Variants in ZNF804A observed in about 807,000 individuals in gnomAD.
ZNF804A encodes the protein zinc finger protein 804A.
ZNF804A carries 2 observed loss-of-function variants against 16.5 expected under a neutral mutation model. The ratio of observed to expected loss-of-function variants is 0.12; its 90% CI spans 0.05 to 0.38. The LOEUF (loss-of-function observed/expected upper bound fraction) is 0.38, where lower values mean the gene tolerates loss of function less well. Among genes scored for constraint, ZNF804A ranks in the 10% least tolerant of loss-of-function variants. The pLI, the probability that ZNF804A is intolerant of heterozygous loss-of-function variation, is 0.99. For missense variants in ZNF804A, 1,473 were observed against 1,390.7 expected (o/e 1.06, Z -0.94); for synonymous variants, 534 against 489.6 (o/e 1.09, Z -1.20).
intron 2 of ZNF804A, among the ~76,000 whole-genome samples, chr2:184,874,712 T>C (rs573954526): frequency 4.9e-4 from 75 of 152,288 alleles, no homozygotes; most frequent in Non-Finnish European, 7.9e-4. Flanking sequence ...CATATTTCCA[T>C]GTCTCTTTCT....
chr2:184,669,615 T>C (rs1574154861), intron 1 of ZNF804A, among the ~76,000 whole-genome samples: 1 of 152,182 alleles, frequency 6.6e-6, no homozygotes, highest in East Asian at 1.9e-4. Flanking sequence ...TGTGAAATAA[T>C]TGAATAGATC....
intron 1 of ZNF804A, among the ~76,000 whole-genome samples, chr2:184,834,414 GC>G (rs1254599256): frequency 6.6e-6 from 1 of 152,062 alleles, no homozygotes; most frequent in East Asian, 1.9e-4. Flanking sequence ...GATGCCATGA[GC>G]CTTGACATAG....
intron 1 of ZNF804A, among the ~76,000 whole-genome samples, chr2:184,696,302 G>GA (rs1389616347): frequency 6.6e-6 from 1 of 152,070 alleles, no homozygotes; most frequent in South Asian, 2.1e-4. Context: ...TCACAAGCTG[G>GA]AAAAAAACAG....
chr2:184,883,758 G>T (rs148045951), intron 2 of ZNF804A, among the ~76,000 whole-genome samples: 5 of 151,740 alleles, frequency 3.3e-5, no homozygotes, highest in African/African-American at 9.7e-5. Flanking sequence ...ACACCCCTTC[G>T]CATTAAAAAC....
intron 2 of ZNF804A, among the ~76,000 whole-genome samples, chr2:184,917,067 A>C (rs1260849977): frequency 6.6e-6 from 1 of 152,102 alleles, no homozygotes; most frequent in Admixed American, 6.6e-5. Context: ...ATATTATCTA[A>C]AAAATATTTT....
At chr2:184,604,375 G>A (rs1162146916) in intron 1 of ZNF804A, among the ~76,000 whole-genome samples, 1 of 151,416 alleles carries the variant, frequency 6.6e-6, no homozygotes, top group African/African-American at 2.4e-5. Context: ...AGGTTTCACC[G>A]TGTTAGCCAG....
At chr2:184,662,708 A>T (rs941838260) in intron 1 of ZNF804A, among the ~76,000 whole-genome samples, 5 of 152,184 alleles carry the variant, frequency 3.3e-5, no homozygotes, top group Admixed American at 3.3e-4. Context: ...TGTACCTTTA[A>T]AAATTATTCT....
At chr2:184,735,055 T>G (rs1693585288) in intron 1 of ZNF804A, among the ~76,000 whole-genome samples, 1 of 152,144 alleles carries the variant, frequency 6.6e-6, no homozygotes, top group South Asian at 2.1e-4. Flanking sequence ...GTCTTTATAT[T>G]TAAAGTGTAT....
chr2:184,881,134 A>C (rs1344265632), intron 2 of ZNF804A, among the ~76,000 whole-genome samples: 1 of 152,094 alleles, frequency 6.6e-6, no homozygotes, highest in Non-Finnish European at 1.5e-5. Flanking sequence ...CCCAAGTATT[A>C]ACAGCAGAAT....
chr2:184,856,061 A>G (rs908676674), intron 1 of ZNF804A, among the ~76,000 whole-genome samples: 7 of 152,102 alleles, frequency 4.6e-5, no homozygotes, highest in Admixed American at 6.6e-5. Flanking sequence ...AATAGTAACA[A>G]TCAAAATGCT....
At chr2:184,652,326 T>G (rs779874735) in intron 1 of ZNF804A, among the ~76,000 whole-genome samples, 1 of 152,170 alleles carries the variant, frequency 6.6e-6, no homozygotes, top group Non-Finnish European at 1.5e-5. Flanking sequence ...ATAAGCTACC[T>G]ATTGGGTACT....
chr2:184,798,484 G>T (rs191667631), intron 1 of ZNF804A, among the ~76,000 whole-genome samples: 42 of 151,856 alleles, frequency 2.8e-4, no homozygotes, highest in Non-Finnish European at 4.4e-4. Context: ...TTGAATACTT[G>T]TCTTTGAGCT....
At chr2:184,818,295 A>G (rs1474552427) in intron 1 of ZNF804A, among the ~76,000 whole-genome samples, 1 of 152,058 alleles carries the variant, frequency 6.6e-6, no homozygotes, top group Admixed American at 6.6e-5. Context: ...AGAATTGGAT[A>G]TCTGTCCAAA....
At chr2:184,768,063 C>T (rs1270510737) in intron 1 of ZNF804A, among the ~76,000 whole-genome samples, 1 of 152,054 alleles carries the variant, frequency 6.6e-6, no homozygotes, top group Non-Finnish European at 1.5e-5. Flanking sequence ...ACAGATTCCT[C>T]ACCAGCAGAT....
chr2:184,719,167 G>A (rs975537700), intron 1 of ZNF804A, among the ~76,000 whole-genome samples: 20 of 152,216 alleles, frequency 1.3e-4, no homozygotes, highest in Non-Finnish European at 2.6e-4. Flanking sequence ...ACACCCTGAA[G>A]CAATAGTCTG....
At position 184,621,040 on chromosome 2, in the gene ZNF804A, A is replaced by T. The variant is rs1691409181; in HGVS notation, c.111+21970A>T. Reference sequence around the variant, plus strand: ...TGACAGAAGCAGACAGAAATAACAGACGAACATAAACAAACATTCAAGTCT... The same window carrying T: ...TGACAGAAGCAGACAGAAATAACAGTCGAACATAAACAAACATTCAAGTCT... On this transcript the variant is annotated intron_variant, in intron 1 of 3. Coordinates refer to ENST00000302277, the MANE Select transcript of ZNF804A (RefSeq NM_194250.2). Among the ~76,000 whole-genome samples, 4 of 151,742 alleles carry T rather than the reference A, an allele frequency of 2.6e-5. No homozygotes were observed. The South Asian group carries it at 8.3e-4, about 31-fold the overall frequency.
intron 1 of ZNF804A, among the ~76,000 whole-genome samples, chr2:184,726,680 A>G (rs1693416386): frequency 6.6e-6 from 1 of 151,646 alleles, no homozygotes; most frequent in African/African-American, 2.4e-5. Context: ...TTAAAATTGC[A>G]TTCGTTATCC....
chr2:184,754,505 A>C (rs924917191), intron 1 of ZNF804A, among the ~76,000 whole-genome samples: 1 of 151,880 alleles, frequency 6.6e-6, no homozygotes, highest in Non-Finnish European at 1.5e-5. Context: ...TCATAGGTTC[A>C]AGTCATTCCC....
intron 1 of ZNF804A, among the ~76,000 whole-genome samples, chr2:184,732,216 AT>A (rs1226166314): frequency 1.4e-5 from 2 of 147,248 alleles, no homozygotes; most frequent in Non-Finnish European, 3.0e-5. Context: ...ATTTGATTTA[AT>A]TTTTGTGAAG....
Sources: allele counts gnomAD v4.1 joint callset (sites outside exome capture counted in the v4.1 genomes callset), GRCh38; gene constraint gnomAD v4.1.1; transcripts MANE v1.5; gene names NCBI Gene and HGNC (gene_info 2026-07-23, HGNC 2026-07-21).